Variants in SEMA6D observed in about 807,000 individuals in gnomAD.
The protein encoded by SEMA6D is semaphorin 6D, also known as semaphorin-6D.
SEMA6D carries 35 observed loss-of-function variants against 106.6 expected under a neutral mutation model. The ratio of observed to expected loss-of-function variants is 0.33; its 90% CI spans 0.25 to 0.44. The LOEUF (loss-of-function observed/expected upper bound fraction) is 0.44, where lower values mean the gene tolerates loss of function less well. Among genes scored for constraint, SEMA6D ranks in the 20% least tolerant of loss-of-function variants. The pLI, the probability that SEMA6D is intolerant of heterozygous loss-of-function variation, is 1.00. For missense variants in SEMA6D, 1,185 were observed against 1,345.9 expected (o/e 0.88, Z 1.87); for synonymous variants, 499 against 487.7 (o/e 1.02, Z -0.31).
At chr15:47,236,349 G>A (rs976242186) in intron 1 of SEMA6D, among the ~76,000 whole-genome samples, 1 of 151,958 alleles carries the variant, frequency 6.6e-6, no homozygotes, top group African/African-American at 2.4e-5. Flanking sequence ...TTCATGTGGG[G>A]TTCTCTCCAC....
At chr15:47,432,261 T>C (rs1466233845) in intron 2 of SEMA6D, among the ~76,000 whole-genome samples, 1 of 152,136 alleles carries the variant, frequency 6.6e-6, no homozygotes, top group African/African-American at 2.4e-5. Flanking sequence ...CTTTGTAACA[T>C]AGAGATAAGA....
At chr15:47,361,654 T>G (rs781587415) in intron 1 of SEMA6D, among the ~76,000 whole-genome samples, 10 of 152,202 alleles carry the variant, frequency 6.6e-5, no homozygotes, top group Admixed American at 1.3e-4. Context: ...CCGTCATTTA[T>G]TCAATGCTCA....
intron 3 of SEMA6D, among the ~76,000 whole-genome samples, chr15:47,586,791 A>C (rs748762086): frequency 4.0e-5 from 6 of 151,436 alleles, no homozygotes; most frequent in Non-Finnish European, 7.4e-5. Context: ...CCCACCCGGC[A>C]GCCATCAGTC....
chr15:47,602,958 A>G (rs992992450), intron 4 of SEMA6D, among the ~76,000 whole-genome samples: 24 of 152,162 alleles, frequency 1.6e-4, no homozygotes, highest in African/African-American at 5.6e-4. Flanking sequence ...CTCTGTCTCT[A>G]TAGTCCAGGC....
At chr15:47,241,019 T>C (rs1179626110) in intron 1 of SEMA6D, among the ~76,000 whole-genome samples, 1 of 152,110 alleles carries the variant, frequency 6.6e-6, no homozygotes, top group Non-Finnish European at 1.5e-5. Context: ...GCTTAACCAC[T>C]GAGGAAATTA....
At chr15:47,418,114 G>T (rs955735797) in intron 2 of SEMA6D, among the ~76,000 whole-genome samples, 2 of 152,092 alleles carry the variant, frequency 1.3e-5, no homozygotes, top group African/African-American at 4.8e-5. Context: ...ACATGGAGTG[G>T]CCTGGTAAAG....
intron 4 of SEMA6D, among the ~76,000 whole-genome samples, chr15:47,625,189 C>G (rs930724849): frequency 6.6e-6 from 1 of 152,004 alleles, no homozygotes; most frequent in Non-Finnish European, 1.5e-5. Flanking sequence ...AAACCTTGCT[C>G]ATGGAGAGGA....
intron 1 of SEMA6D, among the ~76,000 whole-genome samples, chr15:47,305,329 G>A (rs1437167077): frequency 2.6e-5 from 4 of 152,154 alleles, no homozygotes; most frequent in African/African-American, 9.7e-5. Flanking sequence ...GGATGACCTG[G>A]TGATCACGAA....
At position 47,771,574 on chromosome 15, in the gene SEMA6D, C is replaced by A. The variant is rs374549755; in HGVS notation, c.3011C>A (p.Pro1004His). Residue 1004 changes from proline (P) to histidine (H), a missense_variant, in exon 19 of 19, where the codon CCC becomes CAC. Coordinates refer to ENST00000536845, the MANE Select transcript of SEMA6D (RefSeq NM_001358351.3). Reference sequence around the variant, plus strand: ...AACCGTGGAGGATATATGCCCACCCCCACTGGGGCGAAGGTGGACTATATT... The same window carrying A: ...AACCGTGGAGGATATATGCCCACCCACACTGGGGCGAAGGTGGACTATATT... ...SMNRGGYMPT[P>H]TGAKVDYIQG... 9 of 1,613,958 alleles carry A rather than the reference C, an allele frequency of 5.6e-6. No homozygotes were observed. Among genetic ancestry groups the A allele is most frequent in the Non-Finnish European group, 7.6e-6 (9 of 1,179,974 alleles).
chr15:47,762,397 G>A (rs566878000), intron 8 of SEMA6D, 78 bp downstream of exon 8: 3 of 1,512,624 alleles, frequency 2.0e-6, no homozygotes, highest in African/African-American at 1.4e-5. Context: ...CGGCCATCAA[G>A]AGGTTCAGCG....
chr15:47,380,482 T>C (rs2039600841), intron 1 of SEMA6D: 1 of 152,250 alleles, frequency 6.6e-6, no homozygotes, highest in African/African-American at 2.4e-5. Flanking sequence ...TGGCAGGTTC[T>C]TTAGGGACAT....
chr15:47,376,342 C>T (rs2039447212), intron 1 of SEMA6D, among the ~76,000 whole-genome samples: 1 of 152,206 alleles, frequency 6.6e-6, no homozygotes, highest in Non-Finnish European at 1.5e-5. Flanking sequence ...ATTCAGCTTG[C>T]TGCTGAGCAC....
Position 47,761,250 on chromosome 15 carries a change from T to C in SEMA6D, c.345+30T>C, listed in dbSNP as rs1367162705. On this transcript the variant is annotated intron_variant, in intron 5 of 18. Coordinates refer to ENST00000536845, the MANE Select transcript of SEMA6D (RefSeq NM_001358351.3). The stretch of plus-strand genomic sequence containing the variant: ...GTGAAACAGAAAAATGTCTGCTAGA[T>C]TTAGTCTTTCTGTGGGCTTGATACC... 3.1e-6 allele frequency: 5 copies of C among 1,612,854 alleles called. No individual in the cohort carries two copies. In the East Asian group the frequency reaches 1.1e-4, roughly 36 times the overall value.
intron 1 of SEMA6D, chr15:47,274,969 G>C (rs2034732293): frequency 6.6e-6 from 1 of 152,184 alleles, no homozygotes; most frequent in African/African-American, 2.4e-5. Context: ...CACTGAAGCT[G>C]CAGTTTAGAT....
chr15:47,430,437 G>A (rs1003946201), intron 2 of SEMA6D, among the ~76,000 whole-genome samples: 1 of 151,666 alleles, frequency 6.6e-6, no homozygotes, highest in Non-Finnish European at 1.5e-5. Flanking sequence ...ATCAGACTGG[G>A]GGCAGGTCTG....
At chr15:47,557,130 G>A (rs141747311) in intron 3 of SEMA6D, among the ~76,000 whole-genome samples, 3,406 of 152,248 alleles carry the variant, frequency 0.022, 65 homozygotes, top group Non-Finnish European at 0.033. Context: ...AGGAGGGGCC[G>A]GTGTGGTGCA....
At chr15:47,361,460 C>T (rs2038803101) in intron 1 of SEMA6D, among the ~76,000 whole-genome samples, 4 of 152,194 alleles carry the variant, frequency 2.6e-5, no homozygotes, top group Admixed American at 2.0e-4. Context: ...AAGTCCTATA[C>T]TTCATGGGCT....
intron 1 of SEMA6D, among the ~76,000 whole-genome samples, chr15:47,334,370 TGTCA>T (rs2037467471): frequency 6.6e-6 from 1 of 152,176 alleles, no homozygotes; most frequent in Non-Finnish European, 1.5e-5. Context: ...ATTTAAAGCC[TGTCA>T]GTCAGAATTT....
intron 1 of SEMA6D, among the ~76,000 whole-genome samples, chr15:47,278,254 C>T (rs1053970571): frequency 3.3e-5 from 5 of 152,208 alleles, no homozygotes; most frequent in African/African-American, 1.2e-4. Context: ...TCCTGTTTCT[C>T]CACATCCTCT....
Sources: allele counts gnomAD v4.1 joint callset (sites outside exome capture counted in the v4.1 genomes callset), GRCh38; gene constraint gnomAD v4.1.1; transcripts MANE v1.5; gene names NCBI Gene and HGNC (gene_info 2026-07-23, HGNC 2026-07-21).